The following RAB7A variants were observed in gnomAD, a reference collection of about 807,000 sequenced individuals.
RAB7A encodes RAB7A, member RAS oncogene family.
RAB7A carries 2 observed loss-of-function variants against 24.5 expected under a neutral mutation model. That is an observed-to-expected ratio of 0.08 (90% CI 0.03 to 0.26). The LOEUF is 0.26. Among genes scored for constraint, RAB7A ranks in the 10% least tolerant of loss-of-function variants. The pLI, the probability that RAB7A is intolerant of heterozygous loss-of-function variation, is 1.00. For missense variants in RAB7A, 118 were observed against 255.7 expected (o/e 0.46, Z 3.67); for synonymous variants, 100 against 95.9 (o/e 1.04, Z -0.25).
intron 3 of RAB7A, among the ~76,000 whole-genome samples, chr3:128,802,963 C>T (rs1452533768): frequency 6.6e-6 from 1 of 152,168 alleles, no homozygotes; most frequent in Non-Finnish European, 1.5e-5. Flanking sequence ...TGCCACCACG[C>T]TTGGCTAATT....
chr3:128,783,959 A>G (rs2107606195), intron 1 of RAB7A, among the ~76,000 whole-genome samples: 1 of 152,240 alleles, frequency 6.6e-6, no homozygotes, highest in Middle Eastern at 3.4e-3. Context: ...TGCCATGATT[A>G]TGTCATCTGG....
At chr3:128,733,767 A>T (rs2070460590) in intron 1 of RAB7A, among the ~76,000 whole-genome samples, 1 of 152,222 alleles carries the variant, frequency 6.6e-6, no homozygotes, top group Admixed American at 6.5e-5. Context: ...GTCTGCAAAT[A>T]AGTCACATTC....
At chr3:128,757,047 A>G (rs1312853279) in intron 1 of RAB7A, among the ~76,000 whole-genome samples, 1 of 151,760 alleles carries the variant, frequency 6.6e-6, no homozygotes, top group Non-Finnish European at 1.5e-5. Context: ...GTTTTGCCAT[A>G]TTGCCCAGGC....
At chr3:128,758,943 T>TA (rs2070754872) in intron 1 of RAB7A, among the ~76,000 whole-genome samples, 1 of 152,218 alleles carries the variant, frequency 6.6e-6, no homozygotes, top group Non-Finnish European at 1.5e-5. Flanking sequence ...TAAGGGGACT[T>TA]ACTGTTCTAA....
chr3:128,727,184 G>A (rs567461610), intron 1 of RAB7A, among the ~76,000 whole-genome samples: 5 of 152,310 alleles, frequency 3.3e-5, no homozygotes, highest in African/African-American at 1.2e-4. Context: ...CCTTTTAACA[G>A]ATCATTATGT....
intron 1 of RAB7A, among the ~76,000 whole-genome samples, chr3:128,776,302 C>T (rs1247768266): frequency 6.6e-6 from 1 of 151,916 alleles, no homozygotes; most frequent in Non-Finnish European, 1.5e-5. Flanking sequence ...CAGGGTCTCA[C>T]TGTGTTGCCC....
chr3:128,783,856 C>T (rs1001312021), intron 1 of RAB7A, among the ~76,000 whole-genome samples: 1 of 152,346 alleles, frequency 6.6e-6, no homozygotes, highest in Non-Finnish European at 1.5e-5. Context: ...ATGCTGAACA[C>T]TTCTTTTTAG....
chr3:128,811,447 A>T (rs1231525629), intron 5 of RAB7A, among the ~76,000 whole-genome samples: 1 of 152,240 alleles, frequency 6.6e-6, no homozygotes, highest in Admixed American at 6.5e-5. Flanking sequence ...ATGCATTCTA[A>T]TATTATTCAG....
At chr3:128,808,987 A>G (rs1299958272) in intron 5 of RAB7A, among the ~76,000 whole-genome samples, 1 of 152,190 alleles carries the variant, frequency 6.6e-6, no homozygotes, top group Non-Finnish European at 1.5e-5. Flanking sequence ...GAGAGCCCTC[A>G]AGTGGTAAGG....
intron 2 of RAB7A, among the ~76,000 whole-genome samples, chr3:128,796,427 G>A (rs1050907654): frequency 2.6e-5 from 4 of 152,078 alleles, no homozygotes; most frequent in Non-Finnish European, 5.9e-5. Context: ...ACTGCAGCCC[G>A]AGTGACAGAG....
intron 1 of RAB7A, among the ~76,000 whole-genome samples, chr3:128,741,619 A>G (rs2070555222): frequency 6.6e-6 from 1 of 152,098 alleles, no homozygotes; most frequent in Non-Finnish European, 1.5e-5. Flanking sequence ...CCTGCACTCA[A>G]GCAATCCTCC....
At chr3:128,751,075 T>G (rs2070676293) in intron 1 of RAB7A, among the ~76,000 whole-genome samples, 1 of 152,214 alleles carries the variant, frequency 6.6e-6, no homozygotes, top group Admixed American at 6.5e-5. Flanking sequence ...TTTCAGAGGA[T>G]GCATTGAAAT....
chr3:128,744,055 T>C (rs4045798), intron 1 of RAB7A, among the ~76,000 whole-genome samples: 9 of 151,604 alleles, frequency 5.9e-5, no homozygotes, highest in African/African-American at 2.2e-4. Flanking sequence ...TCCCAAAGTG[T>C]TGGGATTACA....
At chr3:128,727,104 T>G (rs2070388133) in intron 1 of RAB7A, among the ~76,000 whole-genome samples, 1 of 152,214 alleles carries the variant, frequency 6.6e-6, no homozygotes, top group Admixed American at 6.5e-5. Context: ...AATGGGGTCA[T>G]AAGGGGAATA....
chr3:128,766,427 G>A (rs2070832166), intron 1 of RAB7A, among the ~76,000 whole-genome samples: 1 of 152,222 alleles, frequency 6.6e-6, no homozygotes, highest in Admixed American at 6.5e-5. Context: ...CACTAGGACA[G>A]AAGGCATAAA....
At chr3:128,776,280 T>C (rs2107603205) in intron 1 of RAB7A, among the ~76,000 whole-genome samples, 1 of 152,204 alleles carries the variant, frequency 6.6e-6, no homozygotes, top group Non-Finnish European at 1.5e-5. Flanking sequence ...TTTTTTTTTC[T>C]TTTTTTACAG....
chr3:128,782,919 A>G (rs954355817), intron 1 of RAB7A, among the ~76,000 whole-genome samples: 1 of 152,196 alleles, frequency 6.6e-6, no homozygotes, highest in Non-Finnish European at 1.5e-5. Context: ...ATGAGGTGTC[A>G]TAATGGGCAA....
intron 3 of RAB7A, among the ~76,000 whole-genome samples, chr3:128,805,154 G>A (rs954988693): frequency 1.3e-5 from 2 of 152,050 alleles, no homozygotes; most frequent in African/African-American, 4.8e-5. Context: ...TGAGAATGGG[G>A]TCACTTCTCC....
chr3:128,757,399 A>G (rs2070739058), intron 1 of RAB7A, among the ~76,000 whole-genome samples: 2 of 152,176 alleles, frequency 1.3e-5, no homozygotes. Context: ...AACAAGTGTG[A>G]TATTGAGGCC....
Sources: allele counts gnomAD v4.1 joint callset (sites outside exome capture counted in the v4.1 genomes callset), GRCh38; gene constraint gnomAD v4.1.1; transcripts MANE v1.5; gene names NCBI Gene and HGNC (gene_info 2026-07-23, HGNC 2026-07-21).